The following PTCHD4 variants were observed in gnomAD, a reference collection of about 807,000 sequenced individuals.
PTCHD4 encodes patched domain containing 4, also known as patched domain-containing protein 4.
In PTCHD4, 33 loss-of-function variants were observed where a neutral mutation model predicts 58.1. The observed-to-expected ratio is 0.57, with a 90% CI of 0.43 to 0.76. The LOEUF (loss-of-function observed/expected upper bound fraction) is 0.76, where lower values mean the gene tolerates loss of function less well. Ranked by LOEUF, PTCHD4 falls within the 30% of genes least tolerant of loss-of-function variation. The pLI, the probability that PTCHD4 is intolerant of heterozygous loss-of-function variation, is 0.00. For synonymous variants in PTCHD4, 478 were observed against 409.6 expected (o/e 1.17, Z -2.02); for missense variants, 1,058 against 1,027.1 (o/e 1.03, Z -0.41).
intron 3 of PTCHD4, among the ~76,000 whole-genome samples, chr6:48,064,357 C>A (rs1303707426): frequency 3.3e-5 from 5 of 152,088 alleles, no homozygotes; most frequent in Admixed American, 3.3e-4. Flanking sequence ...GAAATATTAC[C>A]TGTAAACACC....
At chr6:47,939,609 T>C (rs952968884) in intron 4 of PTCHD4, among the ~76,000 whole-genome samples, 1 of 152,106 alleles carries the variant, frequency 6.6e-6, no homozygotes, top group African/African-American at 2.4e-5. Flanking sequence ...GGTTTCTGTA[T>C]CTATCCTTTG....
At chr6:48,031,363 T>A (rs1763431682) in intron 3 of PTCHD4, among the ~76,000 whole-genome samples, 1 of 152,164 alleles carries the variant, frequency 6.6e-6, no homozygotes, top group South Asian at 2.1e-4. Context: ...AATTACCTTC[T>A]GCCCATGTTG....
At chr6:48,076,227 C>A (rs13211202) in intron 1 of PTCHD4, among the ~76,000 whole-genome samples, 1 of 152,230 alleles carries the variant, frequency 6.6e-6, no homozygotes, top group African/African-American at 2.4e-5. Context: ...TCAGTCTCAT[C>A]TTCAGACTTC....
At chr6:47,953,856 T>C (rs2113952656) in intron 4 of PTCHD4, among the ~76,000 whole-genome samples, 1 of 152,340 alleles carries the variant, frequency 6.6e-6, no homozygotes, top group Non-Finnish European at 1.5e-5. Flanking sequence ...CAGGAACAAA[T>C]GCTACATCTC....
intron 4 of PTCHD4, among the ~76,000 whole-genome samples, chr6:48,008,247 A>G (rs1762536579): frequency 6.6e-6 from 1 of 152,196 alleles, no homozygotes; most frequent in Admixed American, 6.5e-5. Context: ...TCATCCCATG[A>G]TATTCACTCT....
intron 1 of PTCHD4, among the ~76,000 whole-genome samples, chr6:48,091,749 GAGT>G (rs1582130390): frequency 6.6e-6 from 1 of 151,412 alleles, no homozygotes; most frequent in East Asian, 2.0e-4. Flanking sequence ...GGGTTCAAGT[GAGT>G]CTCCTGCCTT....
chr6:47,992,533 A>G (rs936950182), intron 4 of PTCHD4, among the ~76,000 whole-genome samples: 3 of 152,188 alleles, frequency 2.0e-5, no homozygotes, highest in Non-Finnish European at 4.4e-5. Flanking sequence ...GCTATTAGTA[A>G]AAATAGTACA....
At chr6:48,047,855 C>A (rs188600766) in intron 3 of PTCHD4, among the ~76,000 whole-genome samples, 278 of 151,800 alleles carry the variant, frequency 1.8e-3, no homozygotes, top group African/African-American at 6.6e-3. Context: ...CACAACTGTG[C>A]GAAATAAATC....
rs1300698499 is a variant in PTCHD4, at chr6:47,876,325, A to G, written c.*1978T>C. Among the ~76,000 whole-genome samples the G allele has an allele frequency of 1.3e-5, 2 of 151,960 alleles. No homozygotes were observed. Among genetic ancestry groups the G allele is most frequent in the East Asian group, 3.9e-4 (2 of 5,154 alleles). Reference sequence around the variant, plus strand: ...ATCTATAGATATTGCACTGAAACTGACACAATGGAGAAGACATAGATCATT... The same window carrying G: ...ATCTATAGATATTGCACTGAAACTGGCACAATGGAGAAGACATAGATCATT... On this transcript the variant is annotated 3_prime_UTR_variant, in exon 5 of 5. Coordinates refer to ENST00000339488, the MANE Select transcript of PTCHD4 (RefSeq NM_001384253.1).
intron 3 of PTCHD4, among the ~76,000 whole-genome samples, chr6:48,063,152 G>A (rs1764689111): frequency 6.6e-6 from 1 of 152,020 alleles, no homozygotes; most frequent in South Asian, 2.1e-4. Flanking sequence ...CAAAACTTTG[G>A]GCCAGGTTAC....
In PTCHD4 at chr6:47,863,640, C is replaced by T. The variant is rs562246350; in HGVS notation, c.*14663G>A. Among the ~76,000 whole-genome samples, 27 of 152,086 alleles carry T rather than the reference C, an allele frequency of 1.8e-4. No homozygotes were observed. The highest frequency in any genetic ancestry group is 3.4e-3 in the Middle Eastern group (1 of 294). ...ATTCACTGATTATTGGAAATTCAAA[C>T]TTAACTCATGTCCTACATGAATCTA... is the stretch of plus-strand genomic sequence containing the variant. On this transcript the variant is annotated 3_prime_UTR_variant, in exon 5 of 5. Coordinates refer to ENST00000339488, the MANE Select transcript of PTCHD4 (RefSeq NM_001384253.1).
rs1158715294 is a variant in PTCHD4 at position 48,035,627 on chromosome 6, T to A, written c.418-26513A>T. Among the ~76,000 whole-genome samples the A allele has an allele frequency of 2.0e-5, 3 of 152,124 alleles. No individual in the cohort carries two copies. In the East Asian group the frequency reaches 5.8e-4, roughly 29 times the overall value. ...TGGCTTTTGGATTTCCATGTTCATGTTTGCATTGTCCAATTTTAGCAAGAA... is the reference window on the plus strand; with the variant it reads ...TGGCTTTTGGATTTCCATGTTCATGATTGCATTGTCCAATTTTAGCAAGAA... On this transcript the variant is annotated intron_variant, in intron 3 of 4. Transcript: ENST00000339488.
At chr6:48,092,018 C>T (rs1177877976) in intron 1 of PTCHD4, among the ~76,000 whole-genome samples, 3 of 150,400 alleles carry the variant, frequency 2.0e-5, no homozygotes, top group African/African-American at 7.3e-5. Flanking sequence ...CACACACACA[C>T]ATACACACAC....
chr6:47,893,226 G>T (rs1411553616), intron 4 of PTCHD4, among the ~76,000 whole-genome samples: 1 of 151,708 alleles, frequency 6.6e-6, no homozygotes, highest in African/African-American at 2.4e-5. Context: ...GACCAGGATG[G>T]TTTCTATCTC....
At chr6:47,890,881 T>C (rs1411316923) in intron 4 of PTCHD4, 3 of 984,666 alleles carry the variant, frequency 3.0e-6, no homozygotes, top group Non-Finnish European at 3.6e-6. Flanking sequence ...TTCAATTTTT[T>C]TCTCTGTACC....
intron 4 of PTCHD4, among the ~76,000 whole-genome samples, chr6:47,961,694 T>A (rs1293173825): frequency 6.6e-6 from 1 of 152,062 alleles, no homozygotes; most frequent in Non-Finnish European, 1.5e-5. Context: ...AAAGAAACAT[T>A]TTTTTTAAAA....
At chr6:48,011,542 A>G (rs1288714778) in intron 3 of PTCHD4, among the ~76,000 whole-genome samples, 2 of 151,964 alleles carry the variant, frequency 1.3e-5, no homozygotes, top group Admixed American at 6.6e-5. Context: ...CTTTGATGAT[A>G]GTTTCTTTTG....
chr6:48,065,696 G>C (rs1481401630), intron 3 of PTCHD4, among the ~76,000 whole-genome samples: 1 of 152,284 alleles, frequency 6.6e-6, no homozygotes, highest in African/African-American at 2.4e-5. Flanking sequence ...GCATGAGATT[G>C]TGTTTGAACA....
chr6:48,082,237 A>G (rs915259733), intron 1 of PTCHD4, among the ~76,000 whole-genome samples: 4 of 152,224 alleles, frequency 2.6e-5, no homozygotes, highest in Non-Finnish European at 4.4e-5. Context: ...GGAAGACATC[A>G]GAACAGGGGA....
Sources: allele counts gnomAD v4.1 joint callset (sites outside exome capture counted in the v4.1 genomes callset), GRCh38; gene constraint gnomAD v4.1.1; transcripts MANE v1.5; gene names NCBI Gene and HGNC (gene_info 2026-07-23, HGNC 2026-07-21).